PTPRD: variants seen among roughly 807,000 people sequenced by gnomAD.
PTPRD encodes the protein protein tyrosine phosphatase receptor type D.
PTPRD carries 34 observed loss-of-function variants against 214.5 expected under a neutral mutation model. That is an observed-to-expected ratio of 0.16 (90% CI 0.12 to 0.21). The LOEUF is 0.21. Ranked by LOEUF, PTPRD falls within the 10% of genes least tolerant of loss-of-function variation. The pLI is 1.00. For missense variants in PTPRD, 2,545 were observed against 2,398.7 expected (o/e 1.06, Z -1.27); for synonymous variants, 1,128 against 845.7 (o/e 1.33, Z -5.79).
chr9:10,065,278 T>C (rs1848754), intron 3 of PTPRD, among the ~76,000 whole-genome samples: 29,464 of 151,754 alleles, frequency 0.19, 3,447 homozygotes, highest in South Asian at 0.3. Context: ...CCCAAGGTAG[T>C]TGGCGCAGAG....
intron 9 of PTPRD, among the ~76,000 whole-genome samples, chr9:9,192,732 A>G (rs1358171147): frequency 1.3e-5 from 2 of 152,104 alleles, no homozygotes; most frequent in Admixed American, 6.6e-5. Context: ...CTGATAAGAA[A>G]ATGAAGGCTA....
At chr9:10,255,499 G>A (rs1206339826) in intron 3 of PTPRD, among the ~76,000 whole-genome samples, 2 of 152,178 alleles carry the variant, frequency 1.3e-5, no homozygotes, top group African/African-American at 4.8e-5. Context: ...TAGCATGAAT[G>A]GAGGCTATAG....
At chr9:9,243,259 G>C (rs1245900934) in intron 9 of PTPRD, among the ~76,000 whole-genome samples, 1 of 152,074 alleles carries the variant, frequency 6.6e-6, no homozygotes, top group Non-Finnish European at 1.5e-5. Context: ...ACAATCAATA[G>C]AAAAAGAGGA....
At chr9:9,567,841 C>G (rs935060098) in intron 8 of PTPRD, among the ~76,000 whole-genome samples, 2 of 151,832 alleles carry the variant, frequency 1.3e-5, no homozygotes, top group African/African-American at 4.8e-5. Context: ...GGGCATATGA[C>G]ACATTTGATA....
At chr9:9,308,948 A>G (rs1377298897) in intron 9 of PTPRD, among the ~76,000 whole-genome samples, 1 of 152,090 alleles carries the variant, frequency 6.6e-6, no homozygotes, top group Non-Finnish European at 1.5e-5. Context: ...ATACTAGCAC[A>G]TTTTCCAGAA....
At chr9:8,956,771 G>A (rs185830973) in intron 11 of PTPRD, among the ~76,000 whole-genome samples, 25 of 151,916 alleles carry the variant, frequency 1.6e-4, no homozygotes, top group Middle Eastern at 6.8e-3. Context: ...ACCTGCAATA[G>A]GAGAGGATTT....
chr9:9,241,940 C>G lies in PTPRD; in HGVS notation c.-202-58577G>C, dbSNP rs4554527. On this transcript the variant is annotated intron_variant, in intron 9 of 45. Coordinates refer to ENST00000381196, the MANE Select transcript of PTPRD (RefSeq NM_002839.4). ...AGTTGATGCAACTTCTTCCCAGCAT[C>G]GATGGTCTTTACAATTTGGCATGTT... Among the ~76,000 whole-genome samples, 693 of 151,376 alleles carry G rather than the reference C, an allele frequency of 4.6e-3. 3 individuals carry two copies. Among genetic ancestry groups the G allele is most frequent in the South Asian group, 4.8e-3 (23 of 4,796 alleles).
At chr9:10,259,001 T>C (rs1214265622) in intron 3 of PTPRD, among the ~76,000 whole-genome samples, 2 of 152,072 alleles carry the variant, frequency 1.3e-5, no homozygotes, top group Non-Finnish European at 2.9e-5. Flanking sequence ...TTGTTGTTTG[T>C]TTCTTTTGTT....
chr9:9,034,844 C>T (rs1413680562), intron 10 of PTPRD, among the ~76,000 whole-genome samples: 1 of 152,166 alleles, frequency 6.6e-6, no homozygotes, highest in African/African-American at 2.4e-5. Flanking sequence ...TCAATGAATG[C>T]TACTTATTAA....
intron 14 of PTPRD, among the ~76,000 whole-genome samples, chr9:8,599,118 A>T (rs1478636118): frequency 6.6e-6 from 1 of 152,080 alleles, no homozygotes; most frequent in Admixed American, 6.5e-5. Context: ...ATGAGATGTG[A>T]TGGTTTTATG....
At chr9:9,836,126 G>A (rs763373643) in intron 5 of PTPRD, among the ~76,000 whole-genome samples, 6 of 152,142 alleles carry the variant, frequency 3.9e-5, no homozygotes, top group Non-Finnish European at 8.8e-5. Context: ...CAATGGTTTG[G>A]ACAAATGTTT....
chr9:9,390,742 T>C (rs964148908), intron 9 of PTPRD, among the ~76,000 whole-genome samples: 1 of 152,300 alleles, frequency 6.6e-6, no homozygotes, highest in South Asian at 2.1e-4. Context: ...CACAGTCTTA[T>C]CAAGTTCTGA....
At chr9:9,255,890 T>A (rs1349547467) in intron 9 of PTPRD, among the ~76,000 whole-genome samples, 1 of 152,028 alleles carries the variant, frequency 6.6e-6, no homozygotes, top group East Asian at 1.9e-4. Flanking sequence ...TCAGAGAGAA[T>A]GTTCAAACCT....
At chr9:10,606,004 A>C (rs2079224594) in intron 2 of PTPRD, among the ~76,000 whole-genome samples, 1 of 151,992 alleles carries the variant, frequency 6.6e-6, no homozygotes, top group Non-Finnish European at 1.5e-5. Flanking sequence ...AGAGGGTGCA[A>C]CTTCTAAGAG....
At chr9:9,112,971 T>G (rs901530274) in intron 10 of PTPRD, among the ~76,000 whole-genome samples, 30 of 151,772 alleles carry the variant, frequency 2.0e-4, no homozygotes, top group Admixed American at 1.3e-3. Flanking sequence ...TTTTTTTCTT[T>G]TTTTTTTGTT....
intron 12 of PTPRD, among the ~76,000 whole-genome samples, chr9:8,674,399 A>G (rs1200041648): frequency 7.6e-6 from 1 of 131,454 alleles, no homozygotes; most frequent in East Asian, 2.6e-4. Context: ...CGGAGGTTGC[A>G]GTGAGCCGGG....
chr9:9,314,865 A>T (rs1961679152), intron 9 of PTPRD, among the ~76,000 whole-genome samples: 1 of 152,030 alleles, frequency 6.6e-6, no homozygotes, highest in South Asian at 2.1e-4. Flanking sequence ...CATAGGCACA[A>T]AGGACCTTTT....
Position 8,327,599 on chromosome 9 carries a change from T to TTCTA in PTPRD, c.5534+3979_5534+3982dup, listed in dbSNP as rs1180363906. ...CAAGTCCTGAATGTCCTTGCTAATG[T>TTCTA]TCTATCTCATTGATCTGTCTAATAT... On this transcript the variant is annotated intron_variant, in intron 44 of 45. Transcript: ENST00000381196. Among the ~76,000 whole-genome samples the TTCTA allele has an allele frequency of 3.9e-5, 6 of 152,274 alleles. No individual in the cohort carries two copies. In the East Asian group the frequency reaches 1.2e-3, roughly 29 times the overall value.
At chr9:9,646,678 C>T (rs951920562) in intron 7 of PTPRD, among the ~76,000 whole-genome samples, 3 of 152,048 alleles carry the variant, frequency 2.0e-5, no homozygotes, top group Non-Finnish European at 2.9e-5. Flanking sequence ...ATCCACAGGG[C>T]GTACATTCTA....
Sources: gnomAD v4.1 joint callset for allele counts (sites outside exome capture counted in the v4.1 genomes callset) on GRCh38, gnomAD v4.1.1 for gene constraint, MANE v1.5 for transcripts, NCBI Gene and HGNC (gene_info 2026-07-23, HGNC 2026-07-21) for gene names.